The following KCNN3 variants were observed in gnomAD, a reference collection of about 807,000 sequenced individuals.
KCNN3 encodes potassium calcium-activated channel subfamily N member 3.
A neutral mutation model predicts 62.9 loss-of-function variants in KCNN3; 16 were observed. The ratio of observed to expected loss-of-function variants is 0.25; its 90% CI spans 0.17 to 0.39. The LOEUF (loss-of-function observed/expected upper bound fraction) is 0.39. Among genes scored for constraint, KCNN3 ranks in the 10% least tolerant of loss-of-function variants. KCNN3 has a pLI of 1.00. For synonymous variants in KCNN3, 370 were observed against 389.2 expected, an observed-to-expected ratio of 0.95 and a Z score of 0.58; for missense variants, 599 against 949.4, an observed-to-expected ratio of 0.63 and a Z score of 4.85.
intron 2 of KCNN3, among the ~76,000 whole-genome samples, chr1:154,775,038 C>T (rs924370927): frequency 2.0e-5 from 3 of 152,258 alleles, no homozygotes. Context: ...GGCTGAAAGC[C>T]GAGTGAAGCC....
In KCNN3 at chr1:154,859,703, G is replaced by A. The variant is rs771451565; in HGVS notation, c.933+9329C>T. 2.6e-5 allele frequency: 42 copies of A among 1,613,990 alleles called. 1 individual carries two copies. The highest frequency in any genetic ancestry group is 1.6e-4 in the Middle Eastern group (1 of 6,084). On this transcript the variant is annotated intron_variant, in intron 1 of 7. Coordinates refer to ENST00000271915, the MANE Select transcript of KCNN3 (RefSeq NM_002249.6). ...CTGGGCAGGGCACCCACCTTTATAG[G>A]TCTCTCCATCTATAACCTGAAGCAA...
rs1229229985 is a variant in KCNN3, at chr1:154,700,679, T to G, written c.*7297A>C. The G allele has an allele frequency of 1.1e-4, 17 of 152,144 alleles. No individual in the cohort carries two copies. Among genetic ancestry groups the G allele is most frequent in the Admixed American group, 1.1e-3 (17 of 15,272 alleles). The allele number at this position is 152,144 out of a possible 1,614,324, so 9.4% of individuals were successfully genotyped here. A position where few individuals can be genotyped will look rare whatever the true frequency, so the allele number is the denominator to read the frequency against. On this transcript the variant is annotated 3_prime_UTR_variant, in exon 8 of 8. Coordinates refer to ENST00000271915, the MANE Select transcript of KCNN3 (RefSeq NM_002249.6). Reference sequence around the variant, plus strand: ...TTAGCTGGTCGTGGTGGCACGCACCTGTAATCCCAGCTACTCGGGAGGCTG... The same window carrying G: ...TTAGCTGGTCGTGGTGGCACGCACCGGTAATCCCAGCTACTCGGGAGGCTG...
chr1:154,736,142 C>T (rs987623951), intron 3 of KCNN3, among the ~76,000 whole-genome samples: 1 of 152,212 alleles, frequency 6.6e-6, no homozygotes, highest in Non-Finnish European at 1.5e-5. Flanking sequence ...AGCTCCATGG[C>T]TGTGGGCAAG....
At chr1:154,804,088 G>A (rs940971803) in intron 2 of KCNN3, among the ~76,000 whole-genome samples, 3 of 152,144 alleles carry the variant, frequency 2.0e-5, no homozygotes, top group Admixed American at 6.5e-5. Context: ...GACTCCAGCC[G>A]CTCTCTGGGA....
chr1:154,764,805 C>G (rs2101831023), intron 3 of KCNN3, among the ~76,000 whole-genome samples: 1 of 152,258 alleles, frequency 6.6e-6, no homozygotes, highest in African/African-American at 2.4e-5. Flanking sequence ...TAAGTTTAGT[C>G]TTGATTTCAT....
At chr1:154,787,979 C>T (rs904186240) in intron 2 of KCNN3, among the ~76,000 whole-genome samples, 5 of 152,182 alleles carry the variant, frequency 3.3e-5, no homozygotes, top group Admixed American at 6.5e-5. Context: ...GTGGCATCCA[C>T]AGTGCCCTCA....
chr1:154,859,658 C>T (rs762049994), intron 1 of KCNN3: 17 of 1,604,292 alleles, frequency 1.1e-5, no homozygotes, highest in Non-Finnish European at 1.5e-5. Flanking sequence ...CTGCTTCCTC[C>T]TCCCTACCTA....
chr1:154,703,691 G>A lies in KCNN3; in HGVS notation c.*4285C>T, dbSNP rs1699911241. 6.6e-6 allele frequency: 1 copy of A among 152,170 alleles called. No individual in the cohort carries two copies. Among genetic ancestry groups the A allele is most frequent in the Non-Finnish European group, 1.5e-5 (1 of 68,040 alleles). The allele number at this position is 152,170 out of a possible 1,614,324, so 9.4% of individuals were successfully genotyped here. ...GAGTTGCACTCTGGAGGAGGAGGAAGGTTCTGGAACTACGTGCTAATCCCA... is the reference window on the plus strand; with the variant it reads ...GAGTTGCACTCTGGAGGAGGAGGAAAGTTCTGGAACTACGTGCTAATCCCA... On this transcript the variant is annotated 3_prime_UTR_variant, in exon 8 of 8. Coordinates refer to ENST00000271915, the MANE Select transcript of KCNN3 (RefSeq NM_002249.6).
intron 2 of KCNN3, among the ~76,000 whole-genome samples, chr1:154,816,931 TC>T (rs1297672799): frequency 5.9e-5 from 9 of 152,038 alleles, no homozygotes; most frequent in African/African-American, 2.2e-4. Context: ...AACTTGCCCC[TC>T]TACCCAGGAC....
intron 2 of KCNN3, among the ~76,000 whole-genome samples, chr1:154,811,803 C>T (rs1011352507): frequency 1.3e-5 from 2 of 152,158 alleles, no homozygotes; most frequent in African/African-American, 4.8e-5. Context: ...CACAATGCAA[C>T]AACACTTGTA....
chr1:154,738,744 C>T (rs1392348349), intron 3 of KCNN3, among the ~76,000 whole-genome samples: 1 of 152,194 alleles, frequency 6.6e-6, no homozygotes, highest in Non-Finnish European at 1.5e-5. Flanking sequence ...CCAGAGTTTG[C>T]ACTTGCATTA....
At chr1:154,731,745 G>A (rs560008038) in intron 4 of KCNN3, among the ~76,000 whole-genome samples, 1 of 152,244 alleles carries the variant, frequency 6.6e-6, no homozygotes, top group South Asian at 2.1e-4. Context: ...GCTGTGGACG[G>A]GGGGCTGTCC....
intron 3 of KCNN3, among the ~76,000 whole-genome samples, chr1:154,753,987 A>G (rs2101816975): frequency 6.6e-6 from 1 of 152,330 alleles, no homozygotes; most frequent in East Asian, 1.9e-4. Context: ...TTCTGACTCC[A>G]GGGGCCATGT....
At chr1:154,829,645 C>T (rs1019301882) in intron 1 of KCNN3, among the ~76,000 whole-genome samples, 28 of 152,302 alleles carry the variant, frequency 1.8e-4, no homozygotes, top group East Asian at 5.8e-4. Context: ...CATCAGGATG[C>T]GGGGTCTGAC....
At chr1:154,720,582 T>G (rs112170613) in intron 5 of KCNN3, among the ~76,000 whole-genome samples, 42 of 152,384 alleles carry the variant, frequency 2.8e-4, no homozygotes, top group African/African-American at 8.9e-4. Flanking sequence ...AAGAAAATTT[T>G]CTTCTAGCAA....
At chr1:154,859,176 G>A (rs1652655777) in intron 1 of KCNN3, among the ~76,000 whole-genome samples, 1 of 152,238 alleles carries the variant, frequency 6.6e-6, no homozygotes, top group Non-Finnish European at 1.5e-5. Context: ...TCCCATGTAT[G>A]GGAGATTTTT....
Position 154,811,953 on chromosome 1 carries a change from G to A in KCNN3, c.1029+10136C>T, listed in dbSNP as rs993389030. Among the ~76,000 whole-genome samples, 4 of 152,328 alleles carry A rather than the reference G, an allele frequency of 2.6e-5. No homozygotes were observed. In the Middle Eastern group the frequency reaches 0.014, roughly 518 times the overall value. ...GTTAGGCACAGCAGGGGTGGCTGCAGGGATGATTGGGAAGACGCTGGCCTC... is the reference window on the plus strand; with the variant it reads ...GTTAGGCACAGCAGGGGTGGCTGCAAGGATGATTGGGAAGACGCTGGCCTC... On this transcript the variant is annotated intron_variant, in intron 2 of 7. Coordinates refer to ENST00000271915, the MANE Select transcript of KCNN3 (RefSeq NM_002249.6).
At chr1:154,762,139 G>A (rs962244219) in intron 3 of KCNN3, among the ~76,000 whole-genome samples, 2 of 152,186 alleles carry the variant, frequency 1.3e-5, no homozygotes, top group African/African-American at 4.8e-5. Context: ...GAGGTTTGAT[G>A]TAAATTGATT....
intron 3 of KCNN3, among the ~76,000 whole-genome samples, chr1:154,738,017 G>C (rs550964738): frequency 6.6e-5 from 10 of 152,080 alleles, no homozygotes; most frequent in Non-Finnish European, 1.5e-4. Context: ...AACAACTGGG[G>C]GGAAAAGAAG....
Sources: gnomAD v4.1 joint callset for allele counts (sites outside exome capture counted in the v4.1 genomes callset) on GRCh38, gnomAD v4.1.1 for gene constraint, MANE v1.5 for transcripts, NCBI Gene and HGNC (gene_info 2026-07-23, HGNC 2026-07-21) for gene names.